Variants in SUCLG2 observed in about 807,000 individuals in gnomAD.
SUCLG2 encodes the protein succinate-CoA ligase GDP-forming subunit beta, also known as succinate--CoA ligase [GDP-forming] subunit beta, mitochondrial.
In SUCLG2, 42 loss-of-function variants were observed where a neutral mutation model predicts 47.9. That is an observed-to-expected ratio of 0.88 (90% CI 0.69 to 1.14). The LOEUF (loss-of-function observed/expected upper bound fraction) is 1.14. SUCLG2 is among the 50% of genes most tolerant of loss of function. The pLI, the probability that SUCLG2 is intolerant of heterozygous loss-of-function variation, is 0.00. For missense variants in SUCLG2, 571 were observed against 525.9 expected (o/e 1.09, Z -0.84); for synonymous variants, 195 against 197.3 (o/e 0.99, Z 0.10).
chr3:67,391,209 T>A (rs941224825), intron 10 of SUCLG2, among the ~76,000 whole-genome samples: 1 of 152,238 alleles, frequency 6.6e-6, no homozygotes, highest in African/African-American at 2.4e-5. Flanking sequence ...CTAAAGTTGT[T>A]GTGAACATAA....
chr3:67,537,303 AG>A (rs1375563280), intron 2 of SUCLG2, among the ~76,000 whole-genome samples: 1 of 150,862 alleles, frequency 6.6e-6, no homozygotes, highest in Non-Finnish European at 1.5e-5. Flanking sequence ...CCCACTTATG[AG>A]TGAGTACATG....
At chr3:67,623,688 G>T (rs529336224) in intron 1 of SUCLG2, among the ~76,000 whole-genome samples, 22 of 152,244 alleles carry the variant, frequency 1.4e-4, no homozygotes, top group African/African-American at 5.3e-4. Flanking sequence ...GAAAGTACTA[G>T]ATATTTTTAT....
At chr3:67,479,397 T>C (rs560731236) in intron 9 of SUCLG2, among the ~76,000 whole-genome samples, 1 of 152,340 alleles carries the variant, frequency 6.6e-6, no homozygotes, top group South Asian at 2.1e-4. Flanking sequence ...AGACCTTATG[T>C]CACATATCAT....
chr3:67,384,937 A>G (rs1325964051), intron 10 of SUCLG2, among the ~76,000 whole-genome samples: 1 of 152,174 alleles, frequency 6.6e-6, no homozygotes, highest in South Asian at 2.1e-4. Context: ...GTCTTTCCCC[A>G]TAGGTAGTTC....
chr3:67,506,552 AAC>A (rs1441282228), intron 7 of SUCLG2, among the ~76,000 whole-genome samples: 1 of 152,188 alleles, frequency 6.6e-6, no homozygotes, highest in African/African-American at 2.4e-5. Flanking sequence ...ACGTTTTATA[AAC>A]ACAGTCTAAG....
chr3:67,438,924 G>C (rs750312156), intron 9 of SUCLG2, among the ~76,000 whole-genome samples: 10 of 152,076 alleles, frequency 6.6e-5, no homozygotes, highest in Middle Eastern at 3.2e-3. Flanking sequence ...ACCTGGAAGA[G>C]ACACAATAAA....
At chr3:67,405,725 C>T (rs1004101562) in intron 9 of SUCLG2, among the ~76,000 whole-genome samples, 5 of 152,152 alleles carry the variant, frequency 3.3e-5, no homozygotes, top group Non-Finnish European at 5.9e-5. Context: ...CAGCTGTCCA[C>T]AGAATTTTTG....
At chr3:67,596,938 G>C (rs1200693008) in intron 2 of SUCLG2, among the ~76,000 whole-genome samples, 1 of 152,126 alleles carries the variant, frequency 6.6e-6, no homozygotes, top group African/African-American at 2.4e-5. Context: ...ACTGAAATGA[G>C]CACATATCCA....
At chr3:67,640,156 C>A (rs570321455) in intron 1 of SUCLG2, among the ~76,000 whole-genome samples, 2 of 152,290 alleles carry the variant, frequency 1.3e-5, no homozygotes, top group East Asian at 3.9e-4. Flanking sequence ...GTTCCAAAGA[C>A]AGTAACAATG....
intron 2 of SUCLG2, among the ~76,000 whole-genome samples, chr3:67,575,228 G>A (rs559993553): frequency 1.9e-4 from 29 of 152,276 alleles, no homozygotes; most frequent in African/African-American, 6.3e-4. Context: ...GAAAACATTT[G>A]TTCACAAAGA....
chr3:67,649,044 C>T (rs1431508130), intron 1 of SUCLG2, among the ~76,000 whole-genome samples: 1 of 152,094 alleles, frequency 6.6e-6, no homozygotes, highest in African/African-American at 2.4e-5. Context: ...GATAAGGGTA[C>T]AGAGAATAAT....
In SUCLG2 at chr3:67,543,497, T is replaced by C. The variant is rs549128865; in HGVS notation, c.227-14311A>G. Among the ~76,000 whole-genome samples, 28 of 152,096 alleles carry C rather than the reference T, an allele frequency of 1.8e-4. No homozygotes were observed. The South Asian group carries it at 5.4e-3, about 29-fold the overall frequency. On this transcript the variant is annotated intron_variant, in intron 2 of 10. Transcript: ENST00000307227. ...GCCTGGGCAACATGGTGAAACCCTGTCTCTACAAAAAGTACAAAAATTAGC... is the reference window on the plus strand; with the variant it reads ...GCCTGGGCAACATGGTGAAACCCTGCCTCTACAAAAAGTACAAAAATTAGC...
chr3:67,436,385 T>C (rs964071254), intron 9 of SUCLG2, among the ~76,000 whole-genome samples: 1 of 152,118 alleles, frequency 6.6e-6, no homozygotes, highest in Non-Finnish European at 1.5e-5. Context: ...TCAGTCATTA[T>C]GGAAGGCATC....
chr3:67,614,713 C>T (rs1057511767), intron 1 of SUCLG2, among the ~76,000 whole-genome samples: 2 of 152,032 alleles, frequency 1.3e-5, no homozygotes, highest in African/African-American at 4.8e-5. Context: ...CAGTTAGTCA[C>T]ATGTTTCAAA....
chr3:67,432,565 T>G (rs1283539793), intron 9 of SUCLG2, among the ~76,000 whole-genome samples: 2 of 152,230 alleles, frequency 1.3e-5, no homozygotes, highest in African/African-American at 4.8e-5. Flanking sequence ...AGCTTCCTTT[T>G]TCTTTACACC....
At chr3:67,361,356 A>C (rs184546811) in intron 10 of SUCLG2, among the ~76,000 whole-genome samples, 4 of 152,338 alleles carry the variant, frequency 2.6e-5, no homozygotes, top group Non-Finnish European at 5.9e-5. Flanking sequence ...GGAATACAAA[A>C]TGTACATTAA....
intron 9 of SUCLG2, among the ~76,000 whole-genome samples, chr3:67,417,214 C>T (rs763333315): frequency 1.3e-5 from 2 of 152,118 alleles, no homozygotes; most frequent in Admixed American, 6.5e-5. Context: ...CTTGGTGTAA[C>T]TGTAAGCTTT....
chr3:67,389,162 G>C (rs1475883333), intron 10 of SUCLG2, among the ~76,000 whole-genome samples: 1 of 152,082 alleles, frequency 6.6e-6, no homozygotes, highest in Non-Finnish European at 1.5e-5. Context: ...AAGTGGTATG[G>C]AGGCAAGAGC....
intron 9 of SUCLG2, among the ~76,000 whole-genome samples, chr3:67,421,569 T>C (rs180937447): frequency 1.7e-4 from 26 of 152,338 alleles, no homozygotes; most frequent in Non-Finnish European, 2.9e-4. Flanking sequence ...ACTAAATGTA[T>C]AGGCAAGTAA....
Sources: gnomAD v4.1 joint callset for allele counts (sites outside exome capture counted in the v4.1 genomes callset) on GRCh38, gnomAD v4.1.1 for gene constraint, MANE v1.5 for transcripts, NCBI Gene and HGNC (gene_info 2026-07-23, HGNC 2026-07-21) for gene names.